TMTC2: variants seen among roughly 807,000 people sequenced by gnomAD.
The protein encoded by TMTC2 is protein O-mannosyl-transferase TMTC2.
TMTC2 carries 43 observed loss-of-function variants against 82.4 expected under a neutral mutation model. That is an observed-to-expected ratio of 0.52 (90% CI 0.41 to 0.67). The LOEUF (loss-of-function observed/expected upper bound fraction) is 0.67, where lower values mean the gene tolerates loss of function less well. Among genes scored for constraint, TMTC2 ranks in the 30% least tolerant of loss-of-function variants. The pLI is 0.00. For synonymous variants in TMTC2, 408 were observed against 381.9 expected (o/e 1.07, Z -0.80); for missense variants, 919 against 1,012.4 (o/e 0.91, Z 1.25).
intron 6 of TMTC2, 69 bp from the exon 7 acceptor site, chr12:82,966,850 A>C (rs998882557): frequency 6.1e-6 from 7 of 1,145,352 alleles, no homozygotes; most frequent in Non-Finnish European, 8.9e-6. Flanking sequence ...GAAAGTTATT[A>C]TCTTATTTTC....
chr12:82,893,887 G>A (rs2096332442), intron 2 of TMTC2, among the ~76,000 whole-genome samples: 1 of 152,188 alleles, frequency 6.6e-6, no homozygotes, highest in Non-Finnish European at 1.5e-5. Context: ...AGGGTCACCA[G>A]TTAGGAGGAG....
chr12:82,847,600 G>T (rs940951035), intron 1 of TMTC2, among the ~76,000 whole-genome samples: 3 of 152,136 alleles, frequency 2.0e-5, no homozygotes, highest in African/African-American at 4.8e-5. Flanking sequence ...ATACACCATG[G>T]AATACTATGC....
chr12:82,743,489 C>T (rs1349978224), intron 1 of TMTC2, among the ~76,000 whole-genome samples: 2 of 151,442 alleles, frequency 1.3e-5, no homozygotes, highest in Non-Finnish European at 2.9e-5. Flanking sequence ...GCTTTTAGTA[C>T]CATGTTAGAC....
chr12:83,040,014 G>C (rs1415482128), intron 9 of TMTC2, among the ~76,000 whole-genome samples: 2 of 152,226 alleles, frequency 1.3e-5, no homozygotes, highest in Non-Finnish European at 2.9e-5. Flanking sequence ...TGCTAGTGCT[G>C]TTATGACTGA....
At chr12:83,096,376 T>C (rs1357937804) in intron 11 of TMTC2, among the ~76,000 whole-genome samples, 1 of 152,246 alleles carries the variant, frequency 6.6e-6, no homozygotes, top group East Asian at 1.9e-4. Context: ...TATTCTGTTA[T>C]CACTCATCAG....
intron 1 of TMTC2, among the ~76,000 whole-genome samples, chr12:82,747,601 T>A (rs1453539618): frequency 6.6e-6 from 1 of 152,212 alleles, no homozygotes; most frequent in African/African-American, 2.4e-5. Flanking sequence ...TTTTAGAGCA[T>A]GGAATTGAGT....
chr12:82,829,456 G>C (rs1427019885), intron 1 of TMTC2, among the ~76,000 whole-genome samples: 1 of 151,958 alleles, frequency 6.6e-6, no homozygotes, highest in Non-Finnish European at 1.5e-5. Context: ...GTGGCTTTTC[G>C]TTTTCATTTA....
At chr12:82,816,157 T>C (rs913755650) in intron 1 of TMTC2, among the ~76,000 whole-genome samples, 4 of 151,850 alleles carry the variant, frequency 2.6e-5, no homozygotes, top group South Asian at 2.1e-4. Flanking sequence ...TTTTTTTTTT[T>C]TTCTAATTCT....
Position 82,888,299 on chromosome 12 carries a change from C to G in TMTC2, c.655-7519C>G, listed in dbSNP as rs146637017. On this transcript the variant is annotated intron_variant, in intron 2 of 11. Transcript: ENST00000321196. ...AAGTTGTAGTTAGGAAAATGTTCCT[C>G]CAGAACATATGCTACTACTTTAATG... Among the ~76,000 whole-genome samples, 280 of 152,212 alleles carry G rather than the reference C, an allele frequency of 1.8e-3. 2 individuals are homozygous for G. The East Asian group carries it at 0.044, about 24-fold the overall frequency.
At chr12:82,990,172 T>C (rs756708291) in intron 8 of TMTC2, among the ~76,000 whole-genome samples, 5 of 152,134 alleles carry the variant, frequency 3.3e-5, no homozygotes, top group Non-Finnish European at 5.9e-5. Flanking sequence ...TGAGTGGTGT[T>C]TTCACTCTTT....
intron 10 of TMTC2, among the ~76,000 whole-genome samples, chr12:83,057,317 G>GT (rs550908068): frequency 6.6e-6 from 1 of 151,952 alleles, no homozygotes; most frequent in African/African-American, 2.4e-5. Context: ...TGTCAGCGTA[G>GT]TTTTTTCTTC....
chr12:82,880,111 G>T (rs1872752081), intron 2 of TMTC2, among the ~76,000 whole-genome samples: 1 of 152,170 alleles, frequency 6.6e-6, no homozygotes, highest in African/African-American at 2.4e-5. Flanking sequence ...CACATGGGTT[G>T]ATTTGGGATA....
chr12:82,928,023 T>C (rs1875821891), intron 3 of TMTC2, among the ~76,000 whole-genome samples: 1 of 152,230 alleles, frequency 6.6e-6, no homozygotes, highest in Non-Finnish European at 1.5e-5. Flanking sequence ...AAGGTTTTCC[T>C]TTATATGTCT....
chr12:82,754,964 AG>A lies in TMTC2; in HGVS notation c.83+67297del, dbSNP rs558720281. Among the ~76,000 whole-genome samples, 283 of 152,364 alleles carry A rather than the reference AG, an allele frequency of 1.9e-3. 2 individuals carry two copies. The highest frequency in any genetic ancestry group is 6.6e-3 in the African/African-American group (273 of 41,590). ...GCATCTCAGAAAAAGGTGTTATGCA[AG>A]GCATAATTATTTTCCAAGTGCTATC... On this transcript the variant is annotated intron_variant, in intron 1 of 11. Coordinates refer to ENST00000321196, the MANE Select transcript of TMTC2 (RefSeq NM_152588.3).
chr12:82,696,100 A>T (rs377641819), intron 1 of TMTC2, among the ~76,000 whole-genome samples: 222 of 152,366 alleles, frequency 1.5e-3, no homozygotes, highest in African/African-American at 5.2e-3. Flanking sequence ...AATGGAAAAG[A>T]TCTCATTTTG....
chr12:82,899,872 TAC>T (rs1208804555), intron 3 of TMTC2, among the ~76,000 whole-genome samples: 40 of 144,456 alleles, frequency 2.8e-4, no homozygotes, highest in African/African-American at 9.5e-4. Flanking sequence ...GGAATATATA[TAC>T]ATATCCGGAA....
chr12:82,795,327 AAAG>A (rs1208151926), intron 1 of TMTC2, among the ~76,000 whole-genome samples: 26 of 151,744 alleles, frequency 1.7e-4, no homozygotes, highest in South Asian at 4.2e-4. Flanking sequence ...AAAAAAAAAA[AAAG>A]AAGTTAAAAA....
chr12:82,986,057 G>C lies in TMTC2; in HGVS notation c.2070+11G>C. ...CTGCTAGCTCTAACAGTGAGTAACC[G>C]CCTTCCTTGGTCTTTAAAACTTGGT... On this transcript the variant is annotated intron_variant, in intron 8 of 11. Transcript: ENST00000321196. 1 of 1,613,754 alleles carries C rather than the reference G, an allele frequency of 6.2e-7. No individual in the cohort carries two copies. The highest frequency in any genetic ancestry group is 8.5e-7 in the Non-Finnish European group (1 of 1,179,790).
intron 2 of TMTC2, among the ~76,000 whole-genome samples, chr12:82,870,528 A>G (rs1399260042): frequency 3.3e-5 from 5 of 152,288 alleles, no homozygotes; most frequent in South Asian, 2.1e-4. Flanking sequence ...GGGCAGCTCA[A>G]TCTCCACCTT....
Sources: gnomAD v4.1 joint callset for allele counts (sites outside exome capture counted in the v4.1 genomes callset) on GRCh38, gnomAD v4.1.1 for gene constraint, MANE v1.5 for transcripts, NCBI Gene and HGNC (gene_info 2026-07-23, HGNC 2026-07-21) for gene names.